The following SLC16A10 variants were observed in gnomAD, a reference collection of about 807,000 sequenced individuals.
SLC16A10 encodes solute carrier family 16 member 10, also known as monocarboxylate transporter 10.
In SLC16A10, 27 loss-of-function variants were observed where a neutral mutation model predicts 40.0. The ratio of observed to expected loss-of-function variants is 0.67; its 90% CI spans 0.50 to 0.93. The LOEUF (loss-of-function observed/expected upper bound fraction) is 0.93. Ranked by LOEUF, SLC16A10 falls within the 40% of genes least tolerant of loss-of-function variation. SLC16A10 has a pLI of 0.00. For missense variants in SLC16A10, 529 were observed against 658.2 expected (o/e 0.80, Z 2.15); for synonymous variants, 213 against 249.8 (o/e 0.85, Z 1.39).
intron 3 of SLC16A10, among the ~76,000 whole-genome samples, chr6:111,184,124 C>T (rs1772852487): frequency 6.6e-6 from 1 of 152,186 alleles, no homozygotes; most frequent in Non-Finnish European, 1.5e-5. Context: ...CAGTTACTCT[C>T]ATCTCTCTCC....
chr6:111,102,385 T>C (rs1233712543), intron 1 of SLC16A10, among the ~76,000 whole-genome samples: 1 of 152,236 alleles, frequency 6.6e-6, no homozygotes, highest in Non-Finnish European at 1.5e-5. Flanking sequence ...ACTAATGATA[T>C]TTTTTAAAAG....
chr6:111,098,301 AG>A (rs1330470698), intron 1 of SLC16A10, among the ~76,000 whole-genome samples: 1 of 152,118 alleles, frequency 6.6e-6, no homozygotes, highest in Non-Finnish European at 1.5e-5. Context: ...AGTGAAACTC[AG>A]TCTCAAAAAA....
chr6:111,224,380 T>G lies in SLC16A10; in HGVS notation c.*2145T>G, dbSNP rs995794293. 4 of 152,240 alleles carry G rather than the reference T, an allele frequency of 2.6e-5. No homozygotes were observed. Among genetic ancestry groups the G allele is most frequent in the Non-Finnish European group, 5.9e-5 (4 of 68,038 alleles). The allele number at this position is 152,240 out of a possible 1,614,324, so 9.4% of individuals were successfully genotyped here. A position where few individuals can be genotyped will look rare whatever the true frequency, so the allele number is the denominator to read the frequency against. ...TCTGTAAAGACCTCTACAGTGTTTT[T>G]CTTTTCAAAATTTGGCTGATTTTAG... On this transcript the variant is annotated 3_prime_UTR_variant, in exon 6 of 6. Transcript: ENST00000368851.
chr6:111,090,447 T>C (rs925836213), intron 1 of SLC16A10, among the ~76,000 whole-genome samples: 2 of 152,222 alleles, frequency 1.3e-5, no homozygotes, highest in Non-Finnish European at 2.9e-5. Context: ...AGCATCTAGA[T>C]TGAACAATGG....
At chr6:111,111,919 C>T (rs1426414116) in intron 1 of SLC16A10, among the ~76,000 whole-genome samples, 4 of 152,038 alleles carry the variant, frequency 2.6e-5, no homozygotes, top group South Asian at 4.1e-4. Flanking sequence ...TCCTTTGTAC[C>T]ATTCTTGATC....
chr6:111,186,638 A>G (rs1772902684), intron 3 of SLC16A10, among the ~76,000 whole-genome samples: 1 of 152,184 alleles, frequency 6.6e-6, no homozygotes, highest in Admixed American at 6.5e-5. Flanking sequence ...ATCATAGAGC[A>G]TAAGGGTAAG....
chr6:111,106,311 A>G (rs1771283986), intron 1 of SLC16A10, among the ~76,000 whole-genome samples: 1 of 152,362 alleles, frequency 6.6e-6, no homozygotes, highest in African/African-American at 2.4e-5. Flanking sequence ...ATGGTGTTCT[A>G]TAATTTAGTG....
At chr6:111,163,711 T>C (rs1008860572) in intron 1 of SLC16A10, among the ~76,000 whole-genome samples, 2 of 152,232 alleles carry the variant, frequency 1.3e-5, no homozygotes, top group Non-Finnish European at 2.9e-5. Context: ...AGTTTGATTT[T>C]GGGAAGCCTG....
chr6:111,146,664 C>G (rs990467372), intron 1 of SLC16A10, among the ~76,000 whole-genome samples: 1 of 151,730 alleles, frequency 6.6e-6, no homozygotes, highest in African/African-American at 2.4e-5. Flanking sequence ...GTGAACCCGG[C>G]AGGCGGGGCT....
rs1773259110 is a variant in SLC16A10 at position 111,206,645 on chromosome 6, C to T, written c.996C>T (p.Leu332=). 1.9e-6 allele frequency: 3 copies of T among 1,614,012 alleles called. No homozygotes were observed. The highest frequency in any genetic ancestry group is 1.3e-5 in the African/African-American group (1 of 74,918). Reference sequence around the variant, plus strand: ...ATGAAAAAAATAAAGAGGTTGTTCTCATGTGCATTGGCGTCACTTCAGGAG... The same window carrying T: ...ATGAAAAAAATAAAGAGGTTGTTCTTATGTGCATTGGCGTCACTTCAGGAG... ...FQDEKNKEVV[L]MCIGVTSGVG... The change falls in exon 4 of 6, where the codon CTC becomes CTT. Residue 332 remains leucine, a synonymous_variant. Transcript: ENST00000368851.
chr6:111,219,293 G>A (rs530672252), intron 5 of SLC16A10, among the ~76,000 whole-genome samples: 6 of 151,984 alleles, frequency 3.9e-5, no homozygotes, highest in Admixed American at 6.6e-5. Context: ...AGGCTGAGGC[G>A]GGAAGATCAC....
chr6:111,088,595 GT>G (rs1202183111), intron 1 of SLC16A10, among the ~76,000 whole-genome samples: 3 of 152,100 alleles, frequency 2.0e-5, no homozygotes, highest in Admixed American at 2.0e-4. Flanking sequence ...TTGTACGAAG[GT>G]CACTGGAGTT....
intron 3 of SLC16A10, among the ~76,000 whole-genome samples, chr6:111,202,884 CAAAAAAAAAAAAAAA>C (rs567667458): frequency 5.8e-5 from 5 of 86,314 alleles, no homozygotes; most frequent in East Asian, 3.5e-4. Context: ...GAGACTCCAT[CAAAAAAAAAAAAAAA>C]AAAAAAAAAA....
intron 1 of SLC16A10, among the ~76,000 whole-genome samples, chr6:111,096,061 T>C (rs150424226): frequency 9.8e-5 from 15 of 152,324 alleles, no homozygotes; most frequent in African/African-American, 3.1e-4. Flanking sequence ...GTATTTACTT[T>C]TATTAAGTTG....
chr6:111,171,375 T>C (rs2114540619), intron 1 of SLC16A10, among the ~76,000 whole-genome samples: 1 of 152,218 alleles, frequency 6.6e-6, no homozygotes, highest in South Asian at 2.1e-4. Context: ...GGCTTACTGA[T>C]TGGGCCATGG....
intron 1 of SLC16A10, among the ~76,000 whole-genome samples, chr6:111,157,791 C>T (rs765505072): frequency 3.3e-5 from 5 of 151,014 alleles, no homozygotes; most frequent in African/African-American, 9.7e-5. Flanking sequence ...TGAATAAATA[C>T]ATAAATGTGG....
intron 1 of SLC16A10, among the ~76,000 whole-genome samples, chr6:111,130,224 G>A (rs1056959671): frequency 2.6e-5 from 4 of 152,202 alleles, no homozygotes; most frequent in African/African-American, 9.6e-5. Flanking sequence ...TAGTCATGGG[G>A]AATGTGTTCT....
intron 3 of SLC16A10, among the ~76,000 whole-genome samples, chr6:111,186,902 A>C (rs1050639348): frequency 2.0e-5 from 3 of 152,184 alleles, no homozygotes; most frequent in African/African-American, 7.2e-5. Flanking sequence ...TTAAAGGGCA[A>C]TGCGCACCAA....
intron 1 of SLC16A10, among the ~76,000 whole-genome samples, chr6:111,099,972 A>G (rs1271217920): frequency 6.6e-6 from 1 of 151,424 alleles, no homozygotes; most frequent in Non-Finnish European, 1.5e-5. Context: ...CAATGAGCCA[A>G]GATTGCTCCA....
Sources: allele counts gnomAD v4.1 joint callset (sites outside exome capture counted in the v4.1 genomes callset), GRCh38; gene constraint gnomAD v4.1.1; transcripts MANE v1.5; gene names NCBI Gene and HGNC (gene_info 2026-07-23, HGNC 2026-07-21).